SHISA9: variants seen among roughly 807,000 people sequenced by gnomAD.
The protein encoded by SHISA9 is protein shisa-9.
SHISA9 carries 13 observed loss-of-function variants against 38.0 expected under a neutral mutation model. The ratio of observed to expected loss-of-function variants is 0.34; its 90% CI spans 0.22 to 0.54. The LOEUF (loss-of-function observed/expected upper bound fraction) is 0.54. SHISA9 is among the 20% of genes least tolerant of loss of function. The pLI, the probability that SHISA9 is intolerant of heterozygous loss-of-function variation, is 0.91. For synonymous variants in SHISA9, 275 were observed against 242.0 expected (o/e 1.14, Z -1.27); for missense variants, 538 against 575.8 (o/e 0.93, Z 0.67).
In SHISA9 at chr16:13,236,995, A is replaced by C. The variant is rs943524160; in HGVS notation, c.*1586A>C. On this transcript the variant is annotated 3_prime_UTR_variant, in exon 5 of 5. Transcript: ENST00000558583. Reference sequence around the variant, plus strand: ...TTGTGTTTGTTTTGTGGAAGCCCAAAGAAGTGGATTGAGAGAGAAGAGATT... The same window carrying C: ...TTGTGTTTGTTTTGTGGAAGCCCAACGAAGTGGATTGAGAGAGAAGAGATT... 3 of 152,208 alleles carry C rather than the reference A, an allele frequency of 2.0e-5. No homozygotes were observed. The highest frequency in any genetic ancestry group is 4.4e-5 in the Non-Finnish European group (3 of 68,046). The allele number at this position is 152,208 out of a possible 1,614,324, so 9.4% of individuals were successfully genotyped here. A position where few individuals can be genotyped will look rare whatever the true frequency, so the allele number is the denominator to read the frequency against.
the SHISA9 span, among the ~76,000 whole-genome samples, chr16:13,532,353 C>A: frequency 1.3e-3 from 202 of 152,262 alleles, 1 homozygote; most frequent in Non-Finnish European, 2.3e-3. Flanking sequence ...AGAGGAAACA[C>A]AGCTGGAGGA....
At chr16:13,356,219 G>A in the SHISA9 span, among the ~76,000 whole-genome samples, 7 of 152,290 alleles carry the variant, frequency 4.6e-5, no homozygotes, top group South Asian at 2.1e-4. Flanking sequence ...TTTGAGGGCC[G>A]GAATTTAATT....
At chr16:13,102,981 T>C (rs1332600174) in intron 2 of SHISA9, among the ~76,000 whole-genome samples, 1 of 152,232 alleles carries the variant, frequency 6.6e-6, no homozygotes, top group Non-Finnish European at 1.5e-5. Context: ...AATACTCTTC[T>C]TATCCTTTCA....
intron 2 of SHISA9, among the ~76,000 whole-genome samples, chr16:13,196,096 A>C (rs2050937001): frequency 7.2e-6 from 1 of 138,194 alleles, no homozygotes; most frequent in Non-Finnish European, 1.5e-5. Context: ...TCAAAAAAAA[A>C]AAAAAAAAAA....
At chr16:13,280,117 CTTTTTTTTTTTT>C in the SHISA9 span, among the ~76,000 whole-genome samples, 42,264 of 104,018 alleles carry the variant, frequency 0.41, 7,552 homozygotes, top group Admixed American at 0.55. Context: ...CTCTCTTTCT[CTTTTTTTTTTTT>C]TTTTTTTTTT....
rs2071473657 is a variant in SHISA9, at chr16:12,932,437, G to T, written c.691+15622G>T. Among the ~76,000 whole-genome samples the T allele has an allele frequency of 2.0e-5, 3 of 152,200 alleles. No homozygotes were observed. The South Asian group carries it at 6.2e-4, about 32-fold the overall frequency. On this transcript the variant is annotated intron_variant, in intron 2 of 4. Transcript: ENST00000558583. ...ACTCACTGCAACCTCTGCCTCCCAG[G>T]TTCAAGAGATTCTCCTGCCTTAGCC...
the SHISA9 span, among the ~76,000 whole-genome samples, chr16:13,556,178 G>C: frequency 2.4e-4 from 36 of 152,198 alleles, no homozygotes; most frequent in South Asian, 6.6e-3. Flanking sequence ...AATCAGTTTT[G>C]TACTAAACAT....
At chr16:12,984,524 G>C (rs1000287275) in intron 2 of SHISA9, among the ~76,000 whole-genome samples, 2 of 152,160 alleles carry the variant, frequency 1.3e-5, no homozygotes, top group African/African-American at 4.8e-5. Flanking sequence ...CCTTAGATTA[G>C]AGCTGTGTTT....
the SHISA9 span, among the ~76,000 whole-genome samples, chr16:13,494,123 G>C: frequency 6.6e-6 from 1 of 152,188 alleles, no homozygotes; most frequent in Non-Finnish European, 1.5e-5. Flanking sequence ...AGTGTACTCT[G>C]AGTAAGATTT....
chr16:12,912,064 T>G (rs1485843306), intron 1 of SHISA9, among the ~76,000 whole-genome samples: 1 of 152,242 alleles, frequency 6.6e-6, no homozygotes, highest in South Asian at 2.1e-4. Flanking sequence ...CCAAGGTTCC[T>G]GATTCCTGCC....
At position 13,114,991 on chromosome 16, in the gene SHISA9, G is replaced by A. The variant is rs565348880; in HGVS notation, c.692-88403G>A. On this transcript the variant is annotated intron_variant, in intron 2 of 4. Coordinates refer to ENST00000558583, the MANE Select transcript of SHISA9 (RefSeq NM_001145204.3). ...CTATATATGTATCTATCTATCTATC[G>A]ATCATCTATCTATCATGATTATCTA... Among the ~76,000 whole-genome samples, 80 of 130,116 alleles carry A rather than the reference G, an allele frequency of 6.1e-4. 1 individual carries two copies. The highest frequency in any genetic ancestry group is 2.5e-3 in the East Asian group (12 of 4,746). The allele number at this position is 130,116 out of a possible 152,430, so 85.4% of individuals were successfully genotyped here.
At chr16:13,133,583 T>A (rs539866182) in intron 2 of SHISA9, among the ~76,000 whole-genome samples, 15 of 152,306 alleles carry the variant, frequency 9.8e-5, no homozygotes, top group African/African-American at 3.1e-4. Flanking sequence ...CCATTGTATA[T>A]GAAAAGCGGA....
chr16:13,560,736 C>T, the SHISA9 span, among the ~76,000 whole-genome samples: 1 of 131,630 alleles, frequency 7.6e-6, no homozygotes, highest in Admixed American at 8.3e-5. Flanking sequence ...GAAGATCTGT[C>T]CAAATGCACT....
intron 4 of SHISA9, among the ~76,000 whole-genome samples, chr16:13,220,323 G>A (rs1399301084): frequency 2.0e-5 from 3 of 152,102 alleles, no homozygotes; most frequent in African/African-American, 4.8e-5. Context: ...GCCCAGATAT[G>A]GTCTCATGAG....
the SHISA9 span, among the ~76,000 whole-genome samples, chr16:13,380,835 C>G: frequency 6.7e-6 from 1 of 149,948 alleles, no homozygotes; most frequent in South Asian, 2.2e-4. Context: ...CCCCACCCCC[C>G]AGCAGGCCTC....
chr16:13,340,346 A>T, the SHISA9 span, among the ~76,000 whole-genome samples: 1 of 152,214 alleles, frequency 6.6e-6, no homozygotes, highest in Admixed American at 6.5e-5. Flanking sequence ...ATGGGAACAT[A>T]TAGGGGACAG....
intron 4 of SHISA9, among the ~76,000 whole-genome samples, chr16:13,221,138 G>C (rs2051220828): frequency 6.6e-6 from 1 of 152,166 alleles, no homozygotes; most frequent in African/African-American, 2.4e-5. Context: ...CTCTCTTAGA[G>C]CAATATGGCT....
chr16:13,014,456 A>G (rs78015351), intron 2 of SHISA9, among the ~76,000 whole-genome samples: 2,813 of 152,344 alleles, frequency 0.018, 85 homozygotes, highest in African/African-American at 0.064. Context: ...AAGCAGAGCA[A>G]GTGATAATGT....
At chr16:13,403,215 G>A in the SHISA9 span, among the ~76,000 whole-genome samples, 1 of 152,088 alleles carries the variant, frequency 6.6e-6, no homozygotes, top group Non-Finnish European at 1.5e-5. Flanking sequence ...AGTGTTCCAT[G>A]AGGATTTCTT....
Sources: gnomAD v4.1 joint callset for allele counts (sites outside exome capture counted in the v4.1 genomes callset) on GRCh38, gnomAD v4.1.1 for gene constraint, MANE v1.5 for transcripts, NCBI Gene and HGNC (gene_info 2026-07-23, HGNC 2026-07-21) for gene names.